The following NPAS3 variants were observed in gnomAD, a reference collection of about 807,000 sequenced individuals.
NPAS3 encodes the protein neuronal PAS domain-containing protein 3.
NPAS3 carries 14 observed loss-of-function variants against 73.1 expected under a neutral mutation model. The ratio of observed to expected loss-of-function variants is 0.19; its 90% confidence interval spans 0.13 to 0.30. The LOEUF is 0.30. Ranked by LOEUF, NPAS3 falls within the 10% of genes least tolerant of loss-of-function variation. NPAS3 has a pLI of 1.00. For synonymous variants in NPAS3, 620 were observed against 541.5 expected (o/e 1.14, Z -2.01); for missense variants, 1,096 against 1,250.0 (o/e 0.88, Z 1.86).
intron 3 of NPAS3, among the ~76,000 whole-genome samples, chr14:33,328,465 TTTTTTTTTTTTTTTTTTTTG>T (rs1245643060): frequency 2.9e-5 from 2 of 67,804 alleles, no homozygotes; most frequent in South Asian, 6.0e-4. Flanking sequence ...TTTTTTTTTT[TTTTTTTTTTTTTTTTTTTTG>T]AGACAGAGTC....
intron 4 of NPAS3, among the ~76,000 whole-genome samples, chr14:33,406,223 G>C (rs889747775): frequency 3.3e-5 from 5 of 152,070 alleles, no homozygotes; most frequent in African/African-American, 1.2e-4. Flanking sequence ...CTGGTTGTCT[G>C]TCTTAGAATA....
chr14:33,759,309 G>A (rs1214503114), intron 7 of NPAS3, among the ~76,000 whole-genome samples: 1 of 152,180 alleles, frequency 6.6e-6, no homozygotes, highest in African/African-American at 2.4e-5. Flanking sequence ...TTTTTGAAAG[G>A]GAAGCCTTTT....
chr14:33,705,296 G>A (rs941862189), intron 6 of NPAS3, among the ~76,000 whole-genome samples: 36 of 151,726 alleles, frequency 2.4e-4, no homozygotes, highest in African/African-American at 8.2e-4. Context: ...TATCTGTGAG[G>A]TTAGTAGCAT....
intron 2 of NPAS3, among the ~76,000 whole-genome samples, chr14:33,138,585 G>C (rs1224266362): frequency 2.0e-5 from 3 of 152,100 alleles, no homozygotes; most frequent in Non-Finnish European, 2.9e-5. Context: ...CTGGTCCAGA[G>C]AGATACAAAA....
At chr14:33,550,884 G>A (rs2055078643) in intron 4 of NPAS3, among the ~76,000 whole-genome samples, 1 of 152,206 alleles carries the variant, frequency 6.6e-6, no homozygotes, top group Non-Finnish European at 1.5e-5. Flanking sequence ...GGACCCAGAA[G>A]AGGTGCAGTT....
chr14:33,615,630 A>C, intron 5 of NPAS3, among the ~76,000 whole-genome samples: 1 of 152,190 alleles, frequency 6.6e-6, no homozygotes, highest in East Asian at 1.9e-4. Context: ...TTTGTTACAG[A>C]TCTTTCCATT....
intron 3 of NPAS3, among the ~76,000 whole-genome samples, chr14:33,288,220 G>C (rs913684598): frequency 2.6e-5 from 4 of 152,054 alleles, no homozygotes; most frequent in Non-Finnish European, 5.9e-5. Context: ...GCCAGTTCAT[G>C]GTCTGCATTC....
chr14:33,352,963 A>T (rs1383920419), intron 3 of NPAS3, among the ~76,000 whole-genome samples: 1 of 152,200 alleles, frequency 6.6e-6, no homozygotes, highest in Non-Finnish European at 1.5e-5. Context: ...ACCTCAAAGC[A>T]GACTGTCTCA....
rs11377851 is a variant in NPAS3 at position 33,544,820 on chromosome 14, A to ATATG, written c.469-15301_469-15300insTATG. Among the ~76,000 whole-genome samples, 21 of 98,542 alleles carry ATATG rather than the reference A, an allele frequency of 2.1e-4. 3 individuals are homozygous for ATATG. Among genetic ancestry groups the ATATG allele is most frequent in the African/African-American group, 1.0e-3 (19 of 18,496 alleles). The allele number at this position is 98,542 out of a possible 152,430, so 64.6% of individuals were successfully genotyped here. ...TATATATATATATATATGTATATAT[A>ATATG]ATATATATGTGTATATATATATTAT... On this transcript the variant is annotated intron_variant, in intron 4 of 11. Transcript: ENST00000356141.
At chr14:33,280,690 G>A (rs1417854701) in intron 3 of NPAS3, among the ~76,000 whole-genome samples, 2 of 152,194 alleles carry the variant, frequency 1.3e-5, no homozygotes, top group African/African-American at 2.4e-5. Flanking sequence ...GTCAAGAAAG[G>A]AAGAAGGGGA....
intron 4 of NPAS3, among the ~76,000 whole-genome samples, chr14:33,423,636 A>G (rs2048442286): frequency 6.6e-6 from 1 of 152,036 alleles, no homozygotes; most frequent in Non-Finnish European, 1.5e-5. Context: ...TATTTTGAAC[A>G]CTTATTATAT....
At chr14:33,017,796 G>GA (rs575166906) in intron 1 of NPAS3, among the ~76,000 whole-genome samples, 13 of 152,012 alleles carry the variant, frequency 8.6e-5, no homozygotes, top group Admixed American at 8.5e-4. Flanking sequence ...TTTTATATGT[G>GA]AAAAAAACTA....
chr14:33,360,650 C>T (rs1433127237), intron 3 of NPAS3, among the ~76,000 whole-genome samples: 2 of 152,182 alleles, frequency 1.3e-5, no homozygotes, highest in Admixed American at 6.5e-5. Flanking sequence ...AAAGTACTCT[C>T]TTACAATCAT....
At chr14:33,722,640 T>A (rs1595502229) in intron 6 of NPAS3, among the ~76,000 whole-genome samples, 3 of 152,160 alleles carry the variant, frequency 2.0e-5, no homozygotes, top group Non-Finnish European at 4.4e-5. Context: ...TTGAAACTTA[T>A]TAGGATCATG....
chr14:33,604,279 G>T (rs980629645), intron 5 of NPAS3, among the ~76,000 whole-genome samples: 5 of 151,824 alleles, frequency 3.3e-5, no homozygotes, highest in African/African-American at 1.2e-4. Flanking sequence ...CATATTTCAA[G>T]TATTAATATG....
intron 4 of NPAS3, among the ~76,000 whole-genome samples, chr14:33,437,908 C>T (rs1301140028): frequency 1.3e-5 from 2 of 152,194 alleles, no homozygotes; most frequent in Non-Finnish European, 2.9e-5. Context: ...TAGCCTATTT[C>T]TTCCCCCTTA....
At chr14:33,209,300 T>A (rs1450800928) in intron 2 of NPAS3, among the ~76,000 whole-genome samples, 4 of 152,170 alleles carry the variant, frequency 2.6e-5, no homozygotes, top group Non-Finnish European at 4.4e-5. Context: ...TGGAAGAATT[T>A]TTTTCCTTTG....
intron 1 of NPAS3, among the ~76,000 whole-genome samples, chr14:32,977,502 T>G (rs1387285803): frequency 6.6e-6 from 1 of 151,928 alleles, no homozygotes; most frequent in African/African-American, 2.4e-5. Context: ...GGGGCTGAGG[T>G]GGGTGGATTT....
intron 2 of NPAS3, among the ~76,000 whole-genome samples, chr14:33,091,353 T>C (rs1319504959): frequency 1.3e-5 from 2 of 152,070 alleles, no homozygotes; most frequent in Non-Finnish European, 2.9e-5. Context: ...GAGAGAATAC[T>C]ATAAACACCT....
Sources: allele counts gnomAD v4.1 joint callset (sites outside exome capture counted in the v4.1 genomes callset), GRCh38; gene constraint gnomAD v4.1.1; transcripts MANE v1.5; gene names NCBI Gene and HGNC (gene_info 2026-07-23, HGNC 2026-07-21).